The following SDC3 variants were observed in gnomAD, a reference collection of about 807,000 sequenced individuals.
SDC3 encodes the protein syndecan 3.
SDC3 carries 13 observed loss-of-function variants against 24.4 expected under a neutral mutation model. The ratio of observed to expected loss-of-function variants is 0.53; its 90% CI spans 0.35 to 0.85. The LOEUF is 0.85. Among genes scored for constraint, SDC3 ranks in the 40% least tolerant of loss-of-function variants. SDC3 has a pLI of 0.01. For synonymous variants in SDC3, 295 were observed against 260.9 expected (o/e 1.13, Z -1.26); for missense variants, 571 against 584.5 (o/e 0.98, Z 0.24).
chr1:30,903,749 G>A (rs1318680837), intron 1 of SDC3, among the ~76,000 whole-genome samples: 11 of 152,178 alleles, frequency 7.2e-5, no homozygotes, highest in Non-Finnish European at 2.9e-5. Context: ...AGGGGGTAGG[G>A]AGGCCCCAGA....
At chr1:30,891,767 G>C (rs1639907651) in intron 1 of SDC3, among the ~76,000 whole-genome samples, 2 of 151,726 alleles carry the variant, frequency 1.3e-5, no homozygotes, top group African/African-American at 4.8e-5. Context: ...GCAGGAGGAT[G>C]GCTTGAACCC....
intron 1 of SDC3, among the ~76,000 whole-genome samples, chr1:30,899,943 A>G (rs1312768154): frequency 6.6e-6 from 1 of 152,224 alleles, no homozygotes; most frequent in African/African-American, 2.4e-5. Flanking sequence ...CAATCAAGAC[A>G]GGCGCCCATG....
intron 1 of SDC3, among the ~76,000 whole-genome samples, chr1:30,893,093 A>C (rs1405677503): frequency 2.0e-5 from 3 of 151,998 alleles, no homozygotes; most frequent in African/African-American, 7.2e-5. Flanking sequence ...CTTAGACACA[A>C]CACGGGACAC....
At chr1:30,902,231 C>A (rs1462393096) in intron 1 of SDC3, among the ~76,000 whole-genome samples, 1 of 152,218 alleles carries the variant, frequency 6.6e-6, no homozygotes, top group Non-Finnish European at 1.5e-5. Flanking sequence ...AAAAAAAGGG[C>A]CAGATCATTT....
At chr1:30,891,660 G>A (rs923813840) in intron 1 of SDC3, among the ~76,000 whole-genome samples, 3 of 151,854 alleles carry the variant, frequency 2.0e-5, no homozygotes, top group African/African-American at 7.3e-5. Flanking sequence ...GGTGGATCAC[G>A]AGATCAGGAG....
intron 2 of SDC3, chr1:30,877,850 A>G (rs749522601): frequency 6.6e-6 from 1 of 152,610 alleles, no homozygotes; most frequent in African/African-American, 2.4e-5. Context: ...ACAAAGATTA[A>G]TTTGAAAGAG....
At chr1:30,889,112 C>G (rs1463915119) in intron 1 of SDC3, among the ~76,000 whole-genome samples, 1 of 152,236 alleles carries the variant, frequency 6.6e-6, no homozygotes, top group Non-Finnish European at 1.5e-5. Flanking sequence ...AATCCCAGGA[C>G]AGAACTTCAC....
chr1:30,909,108 G>C (rs1373521540), upstream of SDC3, among the ~76,000 whole-genome samples: 1 of 152,146 alleles, frequency 6.6e-6, no homozygotes, highest in African/African-American at 2.4e-5. Context: ...GAGCGGAGGG[G>C]TCGCATGGGC....
chr1:30,897,679 T>C (rs923634494), intron 1 of SDC3, among the ~76,000 whole-genome samples: 1 of 152,144 alleles, frequency 6.6e-6, no homozygotes, highest in Admixed American at 6.5e-5. Context: ...AAGCAGTGCT[T>C]ATGTACTAGA....
At chr1:30,901,511 T>C (rs548448527) in intron 1 of SDC3, among the ~76,000 whole-genome samples, 1 of 152,256 alleles carries the variant, frequency 6.6e-6, no homozygotes, top group South Asian at 2.1e-4. Flanking sequence ...TCATGCAGGA[T>C]GGACTGCAGG....
At chr1:30,899,659 C>T (rs1638369405) in intron 1 of SDC3, among the ~76,000 whole-genome samples, 1 of 152,190 alleles carries the variant, frequency 6.6e-6, no homozygotes, top group South Asian at 2.1e-4. Flanking sequence ...CGTGAGCTAC[C>T]TCGCCCAGCC....
At chr1:30,881,688 C>A (rs934292454) in intron 1 of SDC3, among the ~76,000 whole-genome samples, 1 of 152,234 alleles carries the variant, frequency 6.6e-6, no homozygotes, top group Non-Finnish European at 1.5e-5. Flanking sequence ...CCTGCTGCTG[C>A]TGAGGGCCTG....
Position 30,873,281 on chromosome 1 carries a change from G to A in SDC3, c.1259C>T (p.Thr420Met), listed in dbSNP as rs377217290. The change falls in exon 5 of 5, where the codon ACG (threonine) becomes ATG (methionine). Residue 420 changes from threonine to methionine, a missense_variant. Transcript: ENST00000339394. ...RMKKKDEGSYTLEEPKQASVT... is the reference protein window; with the variant it reads ...RMKKKDEGSYMLEEPKQASVT... ...GCTCGCCTGCTTGGGTTCCTCCAGC[G>A]TGTAGCTGCCCTCATCCTTTTTCTT... 5.5e-5 allele frequency: 89 copies of A among 1,612,294 alleles called. No homozygotes were observed. The South Asian group carries it at 6.7e-4, about 12-fold the overall frequency.
In SDC3 at chr1:30,908,489, G is replaced by C. The variant is rs1638577515; in HGVS notation, c.98C>G (p.Pro33Arg). 9.9e-7 allele frequency: 1 copy of C among 1,010,616 alleles called. No individual in the cohort carries two copies. Among genetic ancestry groups the C allele is most frequent in the Non-Finnish European group, 1.2e-6 (1 of 846,972 alleles). The allele number at this position is 1,010,616 out of a possible 1,614,324, so 62.6% of individuals were successfully genotyped here. ...AGPGARGLLL[P>R]PLLLLLLAGR... The stretch of plus-strand genomic sequence containing the variant: ...CGCCAGCAGCAGCAGCAGCAGCGGT[G>C]GCAGGAGCAGCCCGCGGGCCCCGGG... The change falls in exon 1 of 5, where the codon CCA becomes CGA. Residue 33 changes from proline to arginine, a missense_variant. Pro to Arg is a moderately radical substitution (Grantham distance 103). Around this residue, in one of 2 missense-constraint regions of SDC3, gnomAD observed 497 missense variants for 471.6 expected, o/e 1.05. Transcript: ENST00000339394.
In SDC3 at chr1:30,870,107, A is replaced by C. The variant is rs1639506472; in HGVS notation, c.*3104T>G. 2.6e-6 allele frequency: 1 copy of C among 391,606 alleles called. No homozygotes were observed. The highest frequency in any genetic ancestry group is 4.5e-6 in the Non-Finnish European group (1 of 222,288). The allele number at this position is 391,606 out of a possible 1,614,324, so 24.3% of individuals were successfully genotyped here. A position where few individuals can be genotyped will look rare whatever the true frequency, so the allele number is the denominator to read the frequency against. On this transcript the variant is annotated 3_prime_UTR_variant, in exon 5 of 5. Coordinates refer to ENST00000339394, the MANE Select transcript of SDC3 (RefSeq NM_014654.4). ...CACAGGAGGCAGCCACTCCTACCCC[A>C]TGAGGCAGAGGGTCTGCTCCCTGTG...
chr1:30,890,530 G>A lies in SDC3; in HGVS notation c.139-11790C>T, dbSNP rs145506022. 6.2e-3 allele frequency among the ~76,000 whole-genome samples: 938 copies of A among 152,330 alleles called. 7 individuals carry two copies. The highest frequency in any genetic ancestry group is 0.01 in the Non-Finnish European group (714 of 68,030). The stretch of plus-strand genomic sequence containing the variant: ...AGGAGCAACTGTTAATGGGTACAGC[G>A]TTTCTTTCTGGGGTGATAAAAACGT... On this transcript the variant is annotated intron_variant, in intron 1 of 4. Transcript: ENST00000339394.
chr1:30,889,506 C>A (rs965916189), intron 1 of SDC3, among the ~76,000 whole-genome samples: 2 of 152,204 alleles, frequency 1.3e-5, no homozygotes, highest in African/African-American at 4.8e-5. Flanking sequence ...CGTCTCTGAG[C>A]ATCTACTATG....
chr1:30,873,268 G>T lies in SDC3; in HGVS notation c.1272C>A (p.Pro424=). The change falls in exon 5 of 5, where the codon CCC becomes CCA. Residue 424 remains proline (P), a synonymous_variant. Transcript: ENST00000339394. ...KDEGSYTLEE[P]KQASVTYQKP... ...TCTGGTATGTGACGCTCGCCTGCTT[G>T]GGTTCCTCCAGCGTGTAGCTGCCCT... The T allele has an allele frequency of 1.2e-6, 2 of 1,613,394 alleles. No individual in the cohort carries two copies. Among genetic ancestry groups the T allele is most frequent in the Non-Finnish European group, 8.5e-7 (1 of 1,179,308 alleles).
intron 1 of SDC3, 82 bp downstream of exon 1, chr1:30,908,367 G>T (rs1403124337): frequency 3.7e-6 from 3 of 817,032 alleles, no homozygotes; most frequent in East Asian, 2.4e-4. Flanking sequence ...TCCCGGAGGG[G>T]GGGTCGCGGG....
Sources: allele counts gnomAD v4.1 joint callset (sites outside exome capture counted in the v4.1 genomes callset), GRCh38; gene constraint gnomAD v4.1.1; regional missense constraint gnomAD v4.1.1; transcripts MANE v1.5; gene names NCBI Gene and HGNC (gene_info 2026-07-23, HGNC 2026-07-21).